MFSD8: variants seen among roughly 807,000 people sequenced by gnomAD.
MFSD8 encodes the protein major facilitator superfamily domain containing 8.
MFSD8 carries 55 observed loss-of-function variants against 66.4 expected under a neutral mutation model. That is an observed-to-expected ratio of 0.83 (90% confidence interval 0.67 to 1.04). The LOEUF is 1.04. MFSD8 is among the 50% of genes least tolerant of loss of function. MFSD8 has a pLI of 0.00. For synonymous variants in MFSD8, 202 were observed against 212.8 expected, an observed-to-expected ratio of 0.95 and a Z score of 0.44; for missense variants, 550 against 627.6, an observed-to-expected ratio of 0.88 and a Z score of 1.32.
Position 127,923,672 on chromosome 4 carries a change from C to T in MFSD8, c.999-1709G>A, listed in dbSNP as rs181290485. ...TTGGCTCACTGCAAACTCCGCCTCC[C>T]GGGTTCATGCCATTCTCCTGCCTCA... On this transcript the variant is annotated intron_variant, in intron 9 of 11. Transcript: ENST00000641686. Among the ~76,000 whole-genome samples the T allele has an allele frequency of 3.3e-3, 496 of 151,184 alleles. 1 individual carries two copies. The highest frequency in any genetic ancestry group is 5.7e-3 in the Non-Finnish European group (386 of 67,872).
At chr4:127,959,455 T>C (rs544699956) in intron 1 of MFSD8, among the ~76,000 whole-genome samples, 1 of 152,350 alleles carries the variant, frequency 6.6e-6, no homozygotes, top group East Asian at 1.9e-4. Flanking sequence ...AACTTGAGTA[T>C]TAACTATGTA....
chr4:127,934,985 G>C (rs1042668507), intron 7 of MFSD8, among the ~76,000 whole-genome samples: 2 of 152,128 alleles, frequency 1.3e-5, no homozygotes, highest in South Asian at 2.1e-4. Flanking sequence ...AAGTTTCTAT[G>C]ATTTTTTTCA....
At chr4:127,965,312 G>C, upstream of MFSD8, 1 of 731,160 alleles carries the variant, frequency 1.4e-6, no homozygotes, top group Admixed American at 2.2e-5. Context: ...GGGCAGCGCA[G>C]GGCGAAAGGA....
At chr4:127,930,629 GTT>G in intron 9 of MFSD8, 52 bp downstream of exon 9, 1 of 1,597,638 alleles carries the variant, frequency 6.3e-7, no homozygotes, top group African/African-American at 1.3e-5. Context: ...TGTTAGCTCT[GTT>G]TTTTGTTTTA....
At chr4:127,949,688 T>C (rs944283555) in intron 3 of MFSD8, 116 bp downstream of exon 3, 6 of 868,144 alleles carry the variant, frequency 6.9e-6, no homozygotes, top group Non-Finnish European at 9.1e-6. Context: ...ATTATCTCAT[T>C]ATTCTTGTAA....
intron 2 of MFSD8, among the ~76,000 whole-genome samples, chr4:127,957,188 T>C (rs144699199): frequency 1.3e-5 from 2 of 152,316 alleles, no homozygotes; most frequent in East Asian, 3.9e-4. Context: ...ATTCCATTTA[T>C]ATGAGCTATC....
chr4:127,928,280 G>T (rs566766852), intron 9 of MFSD8, among the ~76,000 whole-genome samples: 2 of 152,048 alleles, frequency 1.3e-5, no homozygotes, highest in African/African-American at 4.8e-5. Context: ...ATTTTTAGTA[G>T]AAAAATTTTT....
rs200175246 is a variant in MFSD8 at position 127,935,495 on chromosome 4, CATA to C, written c.755-2405_755-2403del. ...GCAATTAGAAATTATAATCCTGTCT[CATA>C]ATAACCTCTTTAAATTTGAATAGCT... is the stretch of plus-strand genomic sequence containing the variant. On this transcript the variant is annotated intron_variant, in intron 7 of 11. Coordinates refer to ENST00000641686, the MANE Select transcript of MFSD8 (RefSeq NM_001371596.2). Among the ~76,000 whole-genome samples the C allele has an allele frequency of 5.5e-3, 835 of 152,282 alleles. 12 individuals are homozygous for C. Among genetic ancestry groups the C allele is most frequent in the African/African-American group, 0.019 (791 of 41,536 alleles).
intron 1 of MFSD8, among the ~76,000 whole-genome samples, chr4:127,961,820 CAA>C (rs4000711): frequency 1.9e-4 from 15 of 80,564 alleles, no homozygotes; most frequent in Non-Finnish European, 2.4e-4. Flanking sequence ...GACTCCGTCT[CAA>C]AAAAAAAAAA....
intron 9 of MFSD8, among the ~76,000 whole-genome samples, chr4:127,929,111 G>T (rs1327863215): frequency 1.3e-5 from 2 of 151,500 alleles, no homozygotes; most frequent in Non-Finnish European, 2.9e-5. Context: ...CATGAGGTCA[G>T]GAGATCGAGA....
At chr4:127,945,655 T>C (rs1740912094) in intron 3 of MFSD8, 1 of 152,032 alleles carries the variant, frequency 6.6e-6, no homozygotes, top group Non-Finnish European at 1.5e-5. Context: ...AGTGAAAATA[T>C]TTAGGTGCGT....
intron 2 of MFSD8, among the ~76,000 whole-genome samples, chr4:127,955,137 C>T (rs565267760): frequency 1.6e-4 from 24 of 151,868 alleles, no homozygotes; most frequent in Non-Finnish European, 3.2e-4. Flanking sequence ...GGATATATAC[C>T]CAAAAGGACT....
rs563139434 is a variant in MFSD8, at chr4:127,947,894, A to T, written c.198+1910T>A. On this transcript the variant is annotated intron_variant, in intron 3 of 11. Coordinates refer to ENST00000641686, the MANE Select transcript of MFSD8 (RefSeq NM_001371596.2). ...CACACACACACACACACACACACAC[A>T]CACACTCTCTCTCCAACCTCATAGA... Among the ~76,000 whole-genome samples the T allele has an allele frequency of 8.9e-4, 134 of 149,774 alleles. 1 individual carries two copies. Among genetic ancestry groups the T allele is most frequent in the African/African-American group, 3.0e-3 (120 of 40,460 alleles).
intron 9 of MFSD8, among the ~76,000 whole-genome samples, chr4:127,928,918 G>C (rs11735635): frequency 0.66 from 100,529 of 151,930 alleles, 33,484 homozygotes; most frequent in Middle Eastern, 0.82. Context: ...ACCATGAAAT[G>C]CCATCATTTG....
Position 127,933,195 on chromosome 4 carries a change from A to G in MFSD8, c.755-102T>C, listed in dbSNP as rs945544098. The G allele has an allele frequency of 8.4e-6, 8 of 949,750 alleles. No homozygotes were observed. The Admixed American group carries it at 2.0e-4, about 23-fold the overall frequency. 58.8% of individuals were successfully genotyped at this position (949,750 alleles called of 1,614,324 possible). On this transcript the variant is annotated intron_variant, in intron 7 of 11. Transcript: ENST00000641686. ...ACATTGTAGCAAAATTTATAAATAA[A>G]CATTTAAAAAAATTTTTAGGCTTCA...
rs1736187810 is a variant in MFSD8 at position 127,920,478 on chromosome 4, TTCTC to T, written c.*148_*151del. On this transcript the variant is annotated 3_prime_UTR_variant, in exon 12 of 12. Transcript: ENST00000641686. The stretch of plus-strand genomic sequence containing the variant: ...CTACTATTCACAATGACATGTAGAA[TTCTC>T]TCTGTTATTCAACATATGTTCTTGT... 4 of 751,166 alleles carry T rather than the reference TTCTC, an allele frequency of 5.3e-6. No individual in the cohort carries two copies. The highest frequency in any genetic ancestry group is 2.0e-5 in the Admixed American group (1 of 50,332). 46.5% of individuals were successfully genotyped at this position (751,166 alleles called of 1,614,324 possible).
At chr4:127,962,864 C>A (rs1157668112) in intron 1 of MFSD8, among the ~76,000 whole-genome samples, 2 of 152,074 alleles carry the variant, frequency 1.3e-5, no homozygotes, top group Non-Finnish European at 2.9e-5. Flanking sequence ...AATCGAGGAC[C>A]AGAGAAATAC....
At chr4:127,956,510 A>G (rs1413222073) in intron 2 of MFSD8, among the ~76,000 whole-genome samples, 2 of 150,912 alleles carry the variant, frequency 1.3e-5, no homozygotes, top group Non-Finnish European at 2.9e-5. Flanking sequence ...GAAAAAAAAA[A>G]AAAAAGAAAA....
chr4:127,957,631 C>T (rs1450944604), intron 1 of MFSD8, 39 bp from the exon 2 acceptor site: 1 of 1,358,724 alleles, frequency 7.4e-7, no homozygotes, highest in Non-Finnish European at 1.0e-6. Context: ...AAATTTATCT[C>T]ATTACATGTG....
Sources: allele counts gnomAD v4.1 joint callset (sites outside exome capture counted in the v4.1 genomes callset), GRCh38; gene constraint gnomAD v4.1.1; transcripts MANE v1.5; gene names NCBI Gene and HGNC (gene_info 2026-07-23, HGNC 2026-07-21).